The following SLC4A8 variants were observed in gnomAD, a reference collection of about 807,000 sequenced individuals.
SLC4A8 encodes solute carrier family 4 member 8.
SLC4A8 carries 40 observed loss-of-function variants against 125.0 expected under a neutral mutation model. The ratio of observed to expected loss-of-function variants is 0.32; its 90% CI spans 0.25 to 0.42. SLC4A8 has a LOEUF of 0.42. Among genes scored for constraint, SLC4A8 ranks in the 10% least tolerant of loss-of-function variants. SLC4A8 has a pLI of 1.00. For synonymous variants in SLC4A8, 456 were observed against 476.0 expected (o/e 0.96, Z 0.55); for missense variants, 863 against 1,355.1 (o/e 0.64, Z 5.70).
chr12:51,394,248 G>T (rs755704479), intron 1 of SLC4A8, among the ~76,000 whole-genome samples: 4 of 152,232 alleles, frequency 2.6e-5, no homozygotes, highest in East Asian at 1.9e-4. Flanking sequence ...TGTGTGTTTC[G>T]CATTCCGGAA....
intron 1 of SLC4A8, among the ~76,000 whole-genome samples, chr12:51,439,194 C>T (rs1949513820): frequency 6.6e-6 from 1 of 152,082 alleles, no homozygotes; most frequent in South Asian, 2.1e-4. Flanking sequence ...GTAGCTGGCA[C>T]TACAGGCACG....
chr12:51,447,092 AGAG>A (rs1257627680), intron 2 of SLC4A8, among the ~76,000 whole-genome samples: 6 of 151,984 alleles, frequency 3.9e-5, no homozygotes, highest in Non-Finnish European at 8.8e-5. Flanking sequence ...CTATCTATCT[AGAG>A]ATAGGGTCTC....
intron 13 of SLC4A8, 130 bp downstream of exon 13, chr12:51,470,655 A>C: frequency 3.5e-6 from 3 of 853,796 alleles, no homozygotes; most frequent in Non-Finnish European, 5.5e-6. Context: ...AAAGGAGACC[A>C]TCATTTGGTC....
In SLC4A8 at chr12:51,453,714, G is replaced by A; in HGVS notation, c.574+15G>A. On this transcript the variant is annotated intron_variant, in intron 5 of 24. Coordinates refer to ENST00000453097, the MANE Select transcript of SLC4A8 (RefSeq NM_001039960.3). ...AGAAATTTCAGGTAAGGTTGGGGAA[G>A]GGAAAACAGAGCAACTTTCTTATAA... The A allele has an allele frequency of 6.2e-7, 1 of 1,602,484 alleles. No individual in the cohort carries two copies.
At chr12:51,483,474 T>C (rs1565812842) in intron 16 of SLC4A8, among the ~76,000 whole-genome samples, 1 of 148,890 alleles carries the variant, frequency 6.7e-6, no homozygotes, top group Non-Finnish European at 1.5e-5. Context: ...TCTTTTCTCT[T>C]TTTTTTTTTA....
At chr12:51,393,071 TTCTC>T (rs892979154) in intron 1 of SLC4A8, among the ~76,000 whole-genome samples, 6 of 151,298 alleles carry the variant, frequency 4.0e-5, no homozygotes, top group East Asian at 1.9e-4. Context: ...TGTCTCTCCT[TTCTC>T]TCTCTCTCTT....
At chr12:51,400,777 TACATACATACACACAC>T (rs1269637548) in intron 1 of SLC4A8, among the ~76,000 whole-genome samples, 1 of 10,002 alleles carries the variant, frequency 1.0e-4, no homozygotes, top group East Asian at 3.3e-3. Context: ...TATATATATA[TACATACATACACACAC>T]ACACACACAT....
At chr12:51,410,876 CTTTTTTTTTTTTT>C (rs58043742) in intron 1 of SLC4A8, among the ~76,000 whole-genome samples, 1 of 117,404 alleles carries the variant, frequency 8.5e-6, no homozygotes, top group African/African-American at 3.4e-5. Flanking sequence ...CTTTTCTTTT[CTTTTTTTTTTTTT>C]TTTGAGACAG....
At chr12:51,458,447 CTT>C in intron 6 of SLC4A8, 110 bp from the exon 7 acceptor site, 3 of 732,308 alleles carry the variant, frequency 4.1e-6, no homozygotes. Flanking sequence ...ATCTTAACCT[CTT>C]TTCTAGATAG....
In SLC4A8 at chr12:51,488,718, G is replaced by A; in HGVS notation, c.2306G>A (p.Gly769Glu). The A allele has an allele frequency of 6.2e-7, 1 of 1,613,726 alleles. No homozygotes were observed. The highest frequency in any genetic ancestry group is 1.3e-5 in the African/African-American group (1 of 74,978). The change falls in exon 18 of 25, where the codon GGA becomes GAA. Residue 769 changes from glycine (G) to glutamate (E), a missense_variant. By Grantham distance (98) the Gly-to-Glu change is moderately conservative. Transcript: ENST00000453097. ...SVFKPTRDDR[G>E]WIINPIGPNP... Reference sequence around the variant, plus strand: ...CCTTAGCCAACAAGGGATGATCGCGGATGGATTATTAATCCCATTGGCCCC... The same window carrying A: ...CCTTAGCCAACAAGGGATGATCGCGAATGGATTATTAATCCCATTGGCCCC...
At chr12:51,497,640 A>T (rs1951499516) in intron 22 of SLC4A8, 1 of 152,784 alleles carries the variant, frequency 6.5e-6, no homozygotes, top group African/African-American at 2.4e-5. Flanking sequence ...ATGTGTAGCA[A>T]ATGAAAATAC....
chr12:51,474,038 CA>C (rs1250977437), intron 14 of SLC4A8, among the ~76,000 whole-genome samples: 5 of 151,424 alleles, frequency 3.3e-5, no homozygotes, highest in South Asian at 2.1e-4. Flanking sequence ...AAAAACAAAA[CA>C]AAAACAAAAA....
intron 4 of SLC4A8, among the ~76,000 whole-genome samples, chr12:51,452,941 C>G (rs1034008623): frequency 6.6e-6 from 1 of 152,174 alleles, no homozygotes; most frequent in Non-Finnish European, 1.5e-5. Context: ...GGCTTCAGCT[C>G]TCACTGAAAC....
At position 51,440,690 on chromosome 12, in the gene SLC4A8, T is replaced by A; in HGVS notation, c.49-18T>A. ...GAGGTATGTGTATTACTGTGACTAC[T>A]TATTTGTGTTTAAACAGAGACCAGA... is the stretch of plus-strand genomic sequence containing the variant. On this transcript the variant is annotated intron_variant, in intron 1 of 24. Transcript: ENST00000453097. 6.2e-7 allele frequency: 1 copy of A among 1,603,218 alleles called. No homozygotes were observed. The highest frequency in any genetic ancestry group is 2.2e-5 in the East Asian group (1 of 44,680).
In SLC4A8 at chr12:51,510,021, G is replaced by A. The variant is rs1417229663; in HGVS notation, c.*2583G>A. The A allele has an allele frequency of 6.6e-6, 1 of 152,334 alleles. No homozygotes were observed. Among genetic ancestry groups the A allele is most frequent in the African/African-American group, 2.4e-5 (1 of 41,438 alleles). 9.4% of individuals were successfully genotyped at this position (152,334 alleles called of 1,614,324 possible). ...CAGTTGCAGTTCACCTTTGTGCATG[G>A]TGATTACCAGTCACTCTAGGGATTG... On this transcript the variant is annotated 3_prime_UTR_variant, in exon 25 of 25. Coordinates refer to ENST00000453097, the MANE Select transcript of SLC4A8 (RefSeq NM_001039960.3).
intron 1 of SLC4A8, among the ~76,000 whole-genome samples, chr12:51,439,023 G>T (rs1392482102): frequency 2.0e-5 from 3 of 152,156 alleles, no homozygotes; most frequent in African/African-American, 7.2e-5. Context: ...GAGGAAGATG[G>T]ACATAGTTCC....
At chr12:51,498,609 G>A (rs983400274) in intron 22 of SLC4A8, among the ~76,000 whole-genome samples, 3 of 150,148 alleles carry the variant, frequency 2.0e-5, no homozygotes, top group South Asian at 2.1e-4. Flanking sequence ...GGCTGGGCGC[G>A]GTGGCTCATG....
At chr12:51,400,787 C>A (rs977818249) in intron 1 of SLC4A8, among the ~76,000 whole-genome samples, 5 of 20,842 alleles carry the variant, frequency 2.4e-4, no homozygotes, top group African/African-American at 1.3e-3. Flanking sequence ...TACATACATA[C>A]ACACACACAC....
intron 22 of SLC4A8, among the ~76,000 whole-genome samples, 199 bp from the exon 23 acceptor site, chr12:51,503,827 TTTC>T (rs1211139498): frequency 6.6e-6 from 1 of 152,224 alleles, no homozygotes; most frequent in Non-Finnish European, 1.5e-5. Flanking sequence ...ATTTTCTTTT[TTTC>T]TTTTTTGAAT....
Sources: allele counts gnomAD v4.1 joint callset (sites outside exome capture counted in the v4.1 genomes callset), GRCh38; gene constraint gnomAD v4.1.1; transcripts MANE v1.5; gene names NCBI Gene and HGNC (gene_info 2026-07-23, HGNC 2026-07-21).